The following PLCB1 variants were observed in gnomAD, a reference collection of about 807,000 sequenced individuals.
PLCB1 encodes the protein phospholipase C beta 1, also known as 1-phosphatidylinositol 4,5-bisphosphate phosphodiesterase beta-1.
A neutral mutation model predicts 161.8 loss-of-function variants in PLCB1; 46 were observed. The ratio of observed to expected loss-of-function variants is 0.28; its 90% CI spans 0.22 to 0.36. The LOEUF is 0.36. Among genes scored for constraint, PLCB1 ranks in the 10% least tolerant of loss-of-function variants. The pLI is 1.00. For synonymous variants in PLCB1, 517 were observed against 503.7 expected (o/e 1.03, Z -0.35); for missense variants, 1,016 against 1,472.5 (o/e 0.69, Z 5.07).
At chr20:8,681,066 ATG>A (rs1990196394) in intron 9 of PLCB1, among the ~76,000 whole-genome samples, 2 of 87,734 alleles carry the variant, frequency 2.3e-5, no homozygotes, top group Admixed American at 3.0e-4. Flanking sequence ...ATATGTATAT[ATG>A]TGTGTATATG....
chr20:8,623,297 G>A (rs1326575177), intron 3 of PLCB1, among the ~76,000 whole-genome samples: 2 of 152,008 alleles, frequency 1.3e-5, no homozygotes, highest in Non-Finnish European at 2.9e-5. Flanking sequence ...CTGGATGATC[G>A]CCTTCGTGTT....
At chr20:8,848,752 C>T (rs560809518) in intron 31 of PLCB1, among the ~76,000 whole-genome samples, 22 of 152,310 alleles carry the variant, frequency 1.4e-4, no homozygotes, top group East Asian at 7.7e-4. Context: ...TCTGGAAGTC[C>T]GGGATGAGGA....
intron 3 of PLCB1, among the ~76,000 whole-genome samples, chr20:8,460,202 T>C (rs557819753): frequency 3.3e-5 from 5 of 152,224 alleles, no homozygotes; most frequent in Non-Finnish European, 5.9e-5. Flanking sequence ...AGCATTTTTC[T>C]AGATTTCATG....
Position 8,485,462 on chromosome 20 carries a change from G to A in PLCB1, c.246+114012G>A, listed in dbSNP as rs544582342. 3.3e-5 allele frequency among the ~76,000 whole-genome samples: 5 copies of A among 152,304 alleles called. No homozygotes were observed. The East Asian group carries it at 9.7e-4, about 29-fold the overall frequency. On this transcript the variant is annotated intron_variant, in intron 3 of 31. Coordinates refer to ENST00000338037, the MANE Select transcript of PLCB1 (RefSeq NM_015192.4). ...TTTAAATATGTCTTCTTATTCTTAG[G>A]ACAGAAGAAGGTCCCTATACATGGC...
intron 2 of PLCB1, among the ~76,000 whole-genome samples, chr20:8,253,033 A>G (rs930310661): frequency 2.0e-4 from 31 of 151,954 alleles, no homozygotes; most frequent in African/African-American, 6.8e-4. Context: ...TAACAATAAT[A>G]TGGTCTCCTG....
intron 4 of PLCB1, among the ~76,000 whole-genome samples, chr20:8,641,123 C>T (rs1352187467): frequency 6.6e-6 from 1 of 152,154 alleles, no homozygotes; most frequent in Non-Finnish European, 1.5e-5. Context: ...TCTACATAGC[C>T]AACATAGATG....
intron 3 of PLCB1, among the ~76,000 whole-genome samples, chr20:8,502,378 T>C (rs1245380785): frequency 1.3e-5 from 2 of 152,192 alleles, no homozygotes; most frequent in Non-Finnish European, 2.9e-5. Flanking sequence ...TTTGTAACAT[T>C]TTTTAACTCA....
At chr20:8,425,557 T>C (rs2122559859) in intron 3 of PLCB1, among the ~76,000 whole-genome samples, 1 of 152,058 alleles carries the variant, frequency 6.6e-6, no homozygotes, top group East Asian at 1.9e-4. Context: ...TAGACCACAC[T>C]CTGAGTAGCA....
At chr20:8,803,331 C>T (rs567843130) in intron 31 of PLCB1, among the ~76,000 whole-genome samples, 1 of 152,132 alleles carries the variant, frequency 6.6e-6, no homozygotes, top group East Asian at 1.9e-4. Context: ...GTAGTACATT[C>T]CTACCTCCAG....
At chr20:8,644,444 G>A (rs1483869640) in intron 4 of PLCB1, among the ~76,000 whole-genome samples, 8 of 150,270 alleles carry the variant, frequency 5.3e-5, no homozygotes, top group Non-Finnish European at 7.4e-5. Flanking sequence ...CCTCTGCCCC[G>A]CCGCCCCATC....
intron 2 of PLCB1, among the ~76,000 whole-genome samples, chr20:8,330,310 G>A (rs902249868): frequency 6.6e-6 from 1 of 152,184 alleles, no homozygotes; most frequent in Non-Finnish European, 1.5e-5. Context: ...TCAGAGAGAG[G>A]TTAAGCAACT....
At chr20:8,869,464 A>G (rs986471832) in intron 31 of PLCB1, among the ~76,000 whole-genome samples, 6 of 152,182 alleles carry the variant, frequency 3.9e-5, no homozygotes, top group African/African-American at 1.4e-4. Context: ...GAGTAGCATA[A>G]TTATTGTCCT....
chr20:8,744,624 A>ATAAAATAAAAT (rs774737958), intron 23 of PLCB1, among the ~76,000 whole-genome samples: 35,824 of 144,470 alleles, frequency 0.25, 5,079 homozygotes, highest in Non-Finnish European at 0.32. Context: ...AATAAATAAA[A>ATAAAATAAAAT]TAAAATAAAA....
At chr20:8,437,205 G>C (rs73092022) in intron 3 of PLCB1, among the ~76,000 whole-genome samples, 22,742 of 152,168 alleles carry the variant, frequency 0.15, 2,118 homozygotes, top group African/African-American at 0.26. Context: ...CATTTTCAAA[G>C]AGGAAAATGG....
chr20:8,701,852 C>T (rs1978381378), intron 11 of PLCB1, among the ~76,000 whole-genome samples: 1 of 152,222 alleles, frequency 6.6e-6, no homozygotes, highest in Non-Finnish European at 1.5e-5. Flanking sequence ...CCATCCTACA[C>T]ATAATATGTT....
At chr20:8,168,604 T>C (rs1464178600) in intron 2 of PLCB1, among the ~76,000 whole-genome samples, 1 of 152,142 alleles carries the variant, frequency 6.6e-6, no homozygotes, top group African/African-American at 2.4e-5. Context: ...AGATGGTGTT[T>C]TCAGACATAT....
intron 2 of PLCB1, among the ~76,000 whole-genome samples, chr20:8,327,594 T>C (rs1367243080): frequency 6.6e-6 from 1 of 152,182 alleles, no homozygotes; most frequent in Non-Finnish European, 1.5e-5. Flanking sequence ...ATAGAAGGCC[T>C]CTACCATAGA....
At chr20:8,414,157 G>T (rs551551486) in intron 3 of PLCB1, among the ~76,000 whole-genome samples, 13 of 152,124 alleles carry the variant, frequency 8.5e-5, no homozygotes, top group African/African-American at 2.6e-4. Flanking sequence ...AAAAGAATCT[G>T]TTTTTAATGA....
intron 2 of PLCB1, among the ~76,000 whole-genome samples, chr20:8,226,455 C>A (rs1200155776): frequency 3.8e-4 from 58 of 152,084 alleles, no homozygotes; most frequent in Admixed American, 3.7e-3. Context: ...GGGCCTATAG[C>A]AATGATTTTA....
Sources: gnomAD v4.1 joint callset for allele counts (sites outside exome capture counted in the v4.1 genomes callset) on GRCh38, gnomAD v4.1.1 for gene constraint, MANE v1.5 for transcripts, NCBI Gene and HGNC (gene_info 2026-07-23, HGNC 2026-07-21) for gene names.